Variants in CTTNBP2 observed in about 807,000 individuals in gnomAD.
CTTNBP2 encodes the protein cortactin binding protein 2, also known as cortactin-binding protein 2.
In CTTNBP2, 108 loss-of-function variants were observed where a neutral mutation model predicts 156.9. The ratio of observed to expected loss-of-function variants is 0.69; its 90% CI spans 0.59 to 0.81. CTTNBP2 has a LOEUF of 0.81. CTTNBP2 is among the 30% of genes least tolerant of loss of function. The pLI, the probability that CTTNBP2 is intolerant of heterozygous loss-of-function variation, is 0.00. For missense variants in CTTNBP2, 1,924 were observed against 2,035.4 expected, an observed-to-expected ratio of 0.95 and a Z score of 1.05; for synonymous variants, 767 against 751.8, an observed-to-expected ratio of 1.02 and a Z score of -0.33.
At chr7:117,821,972 G>A (rs1016399406) in intron 2 of CTTNBP2, among the ~76,000 whole-genome samples, 2 of 151,976 alleles carry the variant, frequency 1.3e-5, no homozygotes, top group Admixed American at 6.6e-5. Flanking sequence ...TTGGGATTAC[G>A]ATACTCTGAC....
intron 2 of CTTNBP2, among the ~76,000 whole-genome samples, chr7:117,824,031 A>T (rs986644043): frequency 6.9e-6 from 1 of 145,818 alleles, no homozygotes; most frequent in African/African-American, 2.6e-5. Context: ...CTTTCTTCTT[A>T]TGTAAACACT....
At position 117,873,351 on chromosome 7, in the gene CTTNBP2, G is replaced by GCCCCCGCCGCGT; in HGVS notation, c.53_64dup (p.Asp18_Gly21dup). The GCCCCCGCCGCGT allele has an allele frequency of 6.9e-7, 1 of 1,455,138 alleles. No individual in the cohort carries two copies. Among genetic ancestry groups the GCCCCCGCCGCGT allele is most frequent in the East Asian group, 3.0e-5 (1 of 33,194 alleles). The allele number at this position is 1,455,138 out of a possible 1,614,324, so 90.1% of individuals were successfully genotyped here. A position where few individuals can be genotyped will look rare whatever the true frequency, so the allele number is the denominator to read the frequency against. On this transcript the variant is annotated inframe_insertion, in exon 1 of 23. Coordinates refer to ENST00000160373, the MANE Select transcript of CTTNBP2 (RefSeq NM_033427.3). The stretch of plus-strand genomic sequence containing the variant: ...CTCGGTTACCGCCGCCTCCGCCGCG[G>GCCCCCGCCGCGT]CCCCCGCCGCGTCCTCCGGGGCCCG...
At chr7:117,863,490 T>C (rs1434703727) in intron 1 of CTTNBP2, among the ~76,000 whole-genome samples, 1 of 152,226 alleles carries the variant, frequency 6.6e-6, no homozygotes, top group Non-Finnish European at 1.5e-5. Flanking sequence ...CCTGAAGACC[T>C]TGTGAAAAAA....
At chr7:117,790,527 AG>A (rs34110622) in intron 4 of CTTNBP2, among the ~76,000 whole-genome samples, 2,918 of 152,102 alleles carry the variant, frequency 0.019, 82 homozygotes, top group African/African-American at 0.066. Context: ...AGCACTAAAT[AG>A]GGTACATGGC....
At chr7:117,804,106 G>A (rs1799786318) in intron 3 of CTTNBP2, among the ~76,000 whole-genome samples, 1 of 152,056 alleles carries the variant, frequency 6.6e-6, no homozygotes, top group Non-Finnish European at 1.5e-5. Flanking sequence ...AGGACTACAG[G>A]TATGCGAGAA....
At chr7:117,756,526 C>G (rs199940222) in intron 12 of CTTNBP2, 29 bp downstream of exon 12, 2 of 1,549,850 alleles carry the variant, frequency 1.3e-6, no homozygotes, top group Non-Finnish European at 1.8e-6. Context: ...ATGGAAAACA[C>G]AGGTCTCCAC....
chr7:117,870,168 C>T (rs1343648144), intron 1 of CTTNBP2, among the ~76,000 whole-genome samples: 1 of 152,174 alleles, frequency 6.6e-6, no homozygotes, highest in Non-Finnish European at 1.5e-5. Flanking sequence ...CAATTTGATT[C>T]CTTGGCGTAT....
chr7:117,821,388 C>T (rs958622777), intron 2 of CTTNBP2, among the ~76,000 whole-genome samples: 5 of 151,436 alleles, frequency 3.3e-5, no homozygotes, highest in African/African-American at 1.2e-4. Context: ...AATAGCTGCA[C>T]CCTTTATCAC....
intron 7 of CTTNBP2, among the ~76,000 whole-genome samples, chr7:117,778,316 T>A (rs1459389822): frequency 6.6e-6 from 1 of 152,132 alleles, no homozygotes; most frequent in African/African-American, 2.4e-5. Context: ...CAGTGAAGGT[T>A]TATGGGCCCC....
chr7:117,757,927 C>A lies in CTTNBP2; in HGVS notation c.3216G>T (p.Pro1072=), dbSNP rs151173219. 3.7e-6 allele frequency: 6 copies of A among 1,613,512 alleles called. No homozygotes were observed. Among genetic ancestry groups the A allele is most frequent in the Non-Finnish European group, 5.1e-6 (6 of 1,179,786 alleles). Residue 1072 remains proline, a synonymous_variant, in exon 11 of 23, where the codon CCG becomes CCT. Coordinates refer to ENST00000160373, the MANE Select transcript of CTTNBP2 (RefSeq NM_033427.3). ...WSVGQSFAQS[P]WDFMRKNKAE... Reference sequence around the variant, plus strand: ...CCTTATTCTTCCTCATAAAGTCCCACGGGGACTGCGCGAAGCTCTGACCCA... The same window carrying A: ...CCTTATTCTTCCTCATAAAGTCCCAAGGGGACTGCGCGAAGCTCTGACCCA...
intron 2 of CTTNBP2, among the ~76,000 whole-genome samples, chr7:117,817,357 A>ATATATATATATATATATATATAT (rs1282725521): frequency 2.4e-4 from 8 of 32,992 alleles, no homozygotes; most frequent in African/African-American, 4.8e-4. Context: ...AAAAAAAAAA[A>ATATATATATATATATATATATAT]AAAAATATAT....
chr7:117,711,847 C>T, intron 22 of CTTNBP2, 65 bp from the exon 23 acceptor site: 2 of 1,494,650 alleles, frequency 1.3e-6, no homozygotes, highest in African/African-American at 1.4e-5. Context: ...CCTACCCCTG[C>T]CTCCTCTTTG....
Position 117,777,624 on chromosome 7 carries a change from CTCCA to C in CTTNBP2, c.2661_2664del (p.Asp887GlufsTer42). On this transcript the variant is annotated frameshift_variant, in exon 8 of 23. Transcript: ENST00000160373. LOFTEE classifies it high-confidence loss of function. ...GATATGCCTTCAGGACTCTCTTCTC[CTCCA>C]TCCAAGTCAAAGACACTTGACTCGG... is the stretch of plus-strand genomic sequence containing the variant. 1 of 1,614,000 alleles carries C rather than the reference CTCCA, an allele frequency of 6.2e-7. No homozygotes were observed. Among genetic ancestry groups the C allele is most frequent in the Non-Finnish European group, 8.5e-7 (1 of 1,179,940 alleles).
At chr7:117,715,157 T>C (rs533553209) in intron 22 of CTTNBP2, among the ~76,000 whole-genome samples, 92 of 152,086 alleles carry the variant, frequency 6.0e-4, no homozygotes, top group Non-Finnish European at 1.1e-3. Flanking sequence ...AAGAACAACA[T>C]GTAGGGAAGG....
intron 3 of CTTNBP2, among the ~76,000 whole-genome samples, chr7:117,801,244 C>T (rs1156430255): frequency 1.3e-5 from 2 of 152,120 alleles, no homozygotes; most frequent in Non-Finnish European, 2.9e-5. Context: ...TAAAGAATAT[C>T]AACATATTTC....
chr7:117,774,827 A>G (rs1355069105), intron 8 of CTTNBP2, among the ~76,000 whole-genome samples: 1 of 152,140 alleles, frequency 6.6e-6, no homozygotes, highest in African/African-American at 2.4e-5. Context: ...TATGCTAGAG[A>G]AAAGAAAAAA....
chr7:117,794,873 A>T (rs1161953675), intron 3 of CTTNBP2, among the ~76,000 whole-genome samples: 11 of 125,952 alleles, frequency 8.7e-5, no homozygotes, highest in African/African-American at 1.2e-4. Context: ...TTTTATATGT[A>T]TATCTTTTTT....
rs746079315 is a variant in CTTNBP2 at position 117,792,479 on chromosome 7, T to C, written c.717A>G (p.Glu239=). ...KQLSEFDTER[E]QLRAKLNREE... ...CCCGGTTCAGCTTGGCACGAAGCTG[T>C]TCCCGCTCAGTGTCAAACTCAGAGA... Residue 239 remains glutamate, a synonymous_variant, in exon 4 of 23, where the codon GAA becomes GAG. Coordinates refer to ENST00000160373, the MANE Select transcript of CTTNBP2 (RefSeq NM_033427.3). This position sits in a 1 kb window ranked among gnomAD's most constrained non-coding sequence, Gnocchi z 4.2. The C allele has an allele frequency of 1.2e-6, 2 of 1,614,212 alleles. No homozygotes were observed. The highest frequency in any genetic ancestry group is 1.7e-6 in the Non-Finnish European group (2 of 1,180,038).
intron 2 of CTTNBP2, among the ~76,000 whole-genome samples, chr7:117,816,562 G>A (rs1000885849): frequency 1.3e-5 from 2 of 152,040 alleles, no homozygotes; most frequent in African/African-American, 4.8e-5. Context: ...CATGTCAAAA[G>A]GTTCAGAGTT....
Sources: gnomAD v4.1 joint callset for allele counts (sites outside exome capture counted in the v4.1 genomes callset) on GRCh38, gnomAD v4.1.1 for gene constraint, Gnocchi (gnomAD v3.1) non-coding constraint, MANE v1.5 for transcripts, NCBI Gene and HGNC (gene_info 2026-07-23, HGNC 2026-07-21) for gene names.